Variants in MAP1LC3B observed in about 807,000 individuals in gnomAD.
MAP1LC3B encodes microtubule-associated protein 1 light chain 3 beta.
Under a neutral mutation model 16.7 loss-of-function variants are expected in MAP1LC3B, and 12 were observed. The ratio of observed to expected loss-of-function variants is 0.72; its 90% CI spans 0.46 to 1.16. The LOEUF (loss-of-function observed/expected upper bound fraction) is 1.16, where lower values mean the gene tolerates loss of function less well. MAP1LC3B is among the 50% of genes most tolerant of loss of function. MAP1LC3B has a pLI of 0.00. For missense variants in MAP1LC3B, 155 were observed against 159.5 expected (o/e 0.97, Z 0.15); for synonymous variants, 63 against 56.5 (o/e 1.11, Z -0.51).
rs372634175 is a variant in MAP1LC3B at position 87,392,378 on chromosome 16, C to T, written c.-50C>T. On this transcript the variant is annotated 5_prime_UTR_variant, in exon 1 of 4. Coordinates refer to ENST00000268607, the MANE Select transcript of MAP1LC3B (RefSeq NM_022818.5). ...CGCAGCAGCCGCCGCCCCCGGGAGC[C>T]GCCGGGACCCTCGCGTCGTCGCCGC... 1.0e-5 allele frequency: 14 copies of T among 1,397,226 alleles called. No homozygotes were observed. The highest frequency in any genetic ancestry group is 3.1e-5 in the African/African-American group (2 of 65,466). 86.6% of individuals were successfully genotyped at this position (1,397,226 alleles called of 1,614,324 possible).
chr16:87,393,526 A>AG (rs1305875578), intron 1 of MAP1LC3B, among the ~76,000 whole-genome samples: 1 of 151,870 alleles, frequency 6.6e-6, no homozygotes, highest in Non-Finnish European at 1.5e-5. Context: ...ATTGACCATT[A>AG]TTTTTTTTCT....
chr16:87,402,852 G>A, intron 3 of MAP1LC3B, 71 bp from the exon 4 acceptor site: 1 of 1,568,478 alleles, frequency 6.4e-7, no homozygotes, highest in Non-Finnish European at 8.7e-7. Context: ...CAGAGTGGGT[G>A]ATATTTTAAC....
Position 87,403,042 on chromosome 16 carries a change from T to A in MAP1LC3B, c.323T>A (p.Phe108Tyr), listed in dbSNP as rs1346527718. 3 of 1,614,072 alleles carry A rather than the reference T, an allele frequency of 1.9e-6. No individual in the cohort carries two copies. Among genetic ancestry groups the A allele is most frequent in the Non-Finnish European group, 2.5e-6 (3 of 1,180,046 alleles). Residue 108 changes from phenylalanine to tyrosine, a missense_variant, in exon 4 of 4, where the codon TTC (phenylalanine) becomes TAC (tyrosine). Phe to Tyr is a conservative substitution (Grantham distance 22). Transcript: ENST00000268607. ...VYESEKDEDGFLYMVYASQET... is the reference protein window; with the variant it reads ...VYESEKDEDGYLYMVYASQET... ...GAGAGTGAGAAAGATGAAGATGGAT[T>A]CCTGTACATGGTCTATGCCTCCCAG...
At chr16:87,395,324 A>G (rs1404396887) in intron 1 of MAP1LC3B, among the ~76,000 whole-genome samples, 2 of 152,104 alleles carry the variant, frequency 1.3e-5, no homozygotes, top group Admixed American at 6.6e-5. Flanking sequence ...GCTTTCATTC[A>G]GTTGTTGATG....
At chr16:87,397,510 C>T (rs947367884) in intron 1 of MAP1LC3B, among the ~76,000 whole-genome samples, 3 of 151,952 alleles carry the variant, frequency 2.0e-5, no homozygotes, top group East Asian at 1.9e-4. Flanking sequence ...CCCAGCTACT[C>T]GGGAGGCTGA....
intron 2 of MAP1LC3B, among the ~76,000 whole-genome samples, chr16:87,400,861 C>T (rs140221753): frequency 5.9e-5 from 9 of 152,048 alleles, no homozygotes; most frequent in East Asian, 5.8e-4. Context: ...GCTGGCCGGA[C>T]GCGGTGGCTC....
chr16:87,402,830 T>G, intron 3 of MAP1LC3B, 93 bp from the exon 4 acceptor site: 3 of 1,434,572 alleles, frequency 2.1e-6, no homozygotes, highest in Non-Finnish European at 2.8e-6. Flanking sequence ...AACATTTTTA[T>G]ATTTTACCGA....
At chr16:87,402,486 G>A (rs560924683) in intron 3 of MAP1LC3B, 1 of 589,060 alleles carries the variant, frequency 1.7e-6, no homozygotes, top group South Asian at 2.4e-5. Context: ...TTACTTGCTA[G>A]ACTGCAGAGC....
chr16:87,399,284 T>A (rs183048109), intron 2 of MAP1LC3B: 1 of 270,478 alleles, frequency 3.7e-6, no homozygotes, highest in East Asian at 9.9e-5. Flanking sequence ...AGTGTTGGGA[T>A]TATAGGCATG....
At chr16:87,402,701 CA>C (rs547247422) in intron 3 of MAP1LC3B, 385 of 610,914 alleles carry the variant, frequency 6.3e-4, no homozygotes, top group Non-Finnish European at 9.7e-4. Context: ...GCTGTTCAGA[CA>C]GTATACTAGT....
At chr16:87,400,166 G>A (rs866492505) in intron 2 of MAP1LC3B, 2 of 80,462 alleles carry the variant, frequency 2.5e-5, no homozygotes, top group Non-Finnish European at 5.5e-5. Context: ...GTGTGTGTGT[G>A]TGTGTGTATA....
chr16:87,399,068 C>G, intron 2 of MAP1LC3B, 198 bp downstream of exon 2: 2 of 568,520 alleles, frequency 3.5e-6, no homozygotes, highest in South Asian at 2.0e-5. Flanking sequence ...TGCAGTGGTG[C>G]GATCGTAGCT....
intron 1 of MAP1LC3B, among the ~76,000 whole-genome samples, chr16:87,397,860 T>TC (rs1257134645): frequency 7.1e-6 from 1 of 140,280 alleles, no homozygotes; most frequent in Non-Finnish European, 1.6e-5. Context: ...ACATATTGCC[T>TC]TTTTTTTTTT....
At chr16:87,394,114 C>G (rs978965460) in intron 1 of MAP1LC3B, among the ~76,000 whole-genome samples, 1 of 151,924 alleles carries the variant, frequency 6.6e-6, no homozygotes, top group African/African-American at 2.4e-5. Flanking sequence ...CATTTTTTTC[C>G]CATTGATGTA....
At chr16:87,392,621 C>T (rs894166410) in intron 1 of MAP1LC3B, 154 bp downstream of exon 1, 216 of 667,786 alleles carry the variant, frequency 3.2e-4, no homozygotes, top group Middle Eastern at 5.9e-4. Context: ...GATGCGGGGC[C>T]CGGGGCCCCG....
At chr16:87,395,432 A>T (rs1349248131) in intron 1 of MAP1LC3B, among the ~76,000 whole-genome samples, 1 of 152,224 alleles carries the variant, frequency 6.6e-6, no homozygotes, top group Non-Finnish European at 1.5e-5. Flanking sequence ...GAGAAAGACA[A>T]AAACAGATGA....
At chr16:87,402,132 G>GCC in intron 2 of MAP1LC3B, 43 bp from the exon 3 acceptor site, 1 of 1,608,988 alleles carries the variant, frequency 6.2e-7, no homozygotes, top group Admixed American at 1.7e-5. Context: ...ACCGCGCCTG[G>GCC]CCCTGATGAC....
intron 1 of MAP1LC3B, among the ~76,000 whole-genome samples, chr16:87,396,278 A>G (rs2150710419): frequency 6.6e-6 from 1 of 151,690 alleles, no homozygotes; most frequent in South Asian, 2.1e-4. Flanking sequence ...GATTGAGACC[A>G]TCCTGGCTAA....
At chr16:87,394,899 A>C (rs1907745610) in intron 1 of MAP1LC3B, among the ~76,000 whole-genome samples, 2 of 152,108 alleles carry the variant, frequency 1.3e-5, no homozygotes, top group Admixed American at 1.3e-4. Flanking sequence ...GTGAGAGCTC[A>C]TCTCTACCAA....
Sources: allele counts gnomAD v4.1 joint callset (sites outside exome capture counted in the v4.1 genomes callset), GRCh38; gene constraint gnomAD v4.1.1; transcripts MANE v1.5; gene names NCBI Gene and HGNC (gene_info 2026-07-23, HGNC 2026-07-21).